NR6A1: variants seen among roughly 807,000 people sequenced by gnomAD.
The protein encoded by NR6A1 is retinoic acid receptor-related testis-associated receptor.
A neutral mutation model predicts 59.1 loss-of-function variants in NR6A1; 7 were observed. That is an observed-to-expected ratio of 0.12 (90% CI 0.07 to 0.22). The LOEUF is 0.22. NR6A1 is among the 10% of genes least tolerant of loss of function. The probability of loss-of-function intolerance (pLI) is 1.00; values close to 1 mark genes in which losing one functional copy is unlikely to be tolerated. For missense variants in NR6A1, 468 were observed against 611.6 expected, an observed-to-expected ratio of 0.77 and a Z score of 2.48; for synonymous variants, 243 against 236.1, an observed-to-expected ratio of 1.03 and a Z score of -0.27.
intron 1 of NR6A1, among the ~76,000 whole-genome samples, chr9:124,763,113 A>C (rs1278734930): frequency 6.6e-6 from 1 of 152,238 alleles, no homozygotes; most frequent in African/African-American, 2.4e-5. Flanking sequence ...GTCTTAAAAC[A>C]ACCATTTTAG....
chr9:124,614,806 C>T (rs1835843968), intron 2 of NR6A1, among the ~76,000 whole-genome samples: 1 of 152,222 alleles, frequency 6.6e-6, no homozygotes, highest in South Asian at 2.1e-4. Flanking sequence ...TTTCAAGTCT[C>T]TGCAACTCTG....
intron 2 of NR6A1, among the ~76,000 whole-genome samples, chr9:124,728,107 AG>A (rs1266503759): frequency 1.3e-5 from 2 of 151,532 alleles, no homozygotes; most frequent in Non-Finnish European, 2.9e-5. Context: ...GCTCACTGCA[AG>A]CTCTGCCTCC....
chr9:124,538,536 C>A lies in NR6A1; in HGVS notation c.597-217G>T, dbSNP rs143349784. The stretch of plus-strand genomic sequence containing the variant: ...GGGTATATGAATGTTGGGGTCGCCA[C>A]TGGACACTCAGTGCATGGCAGAGTA... On this transcript the variant is annotated intron_variant, in intron 5 of 9. Coordinates refer to ENST00000487099, the MANE Select transcript of NR6A1 (RefSeq NM_033334.4). 1.7e-3 allele frequency among the ~76,000 whole-genome samples: 259 copies of A among 152,262 alleles called. 2 individuals are homozygous for A. The highest frequency in any genetic ancestry group is 0.011 in the Admixed American group (172 of 15,284).
At chr9:124,654,842 T>C (rs1296665650) in intron 2 of NR6A1, among the ~76,000 whole-genome samples, 1 of 150,774 alleles carries the variant, frequency 6.6e-6, no homozygotes, top group African/African-American at 2.5e-5. Flanking sequence ...ACCTAGATAC[T>C]GGTTGCTTTT....
intron 2 of NR6A1, among the ~76,000 whole-genome samples, chr9:124,594,084 C>CT (rs1243922275): frequency 1.3e-5 from 2 of 152,102 alleles, no homozygotes; most frequent in Admixed American, 6.6e-5. Flanking sequence ...CCAGGCAATG[C>CT]TTTTTTTACA....
intron 2 of NR6A1, among the ~76,000 whole-genome samples, chr9:124,593,025 A>G (rs1452418064): frequency 6.6e-6 from 1 of 152,234 alleles, no homozygotes; most frequent in Non-Finnish European, 1.5e-5. Flanking sequence ...GGCTGGAGTA[A>G]AAGAATAACA....
intron 2 of NR6A1, among the ~76,000 whole-genome samples, chr9:124,625,741 G>T (rs1433100585): frequency 6.6e-6 from 1 of 152,100 alleles, no homozygotes; most frequent in Non-Finnish European, 1.5e-5. Context: ...TTTTGGATGA[G>T]ATTAACATTT....
At chr9:124,525,284 AACACACACAC>A (rs71492413) in intron 8 of NR6A1, among the ~76,000 whole-genome samples, 88 of 137,394 alleles carry the variant, frequency 6.4e-4, no homozygotes, top group Admixed American at 2.8e-3. Context: ...ATGCTTGTAA[AACACACACAC>A]ACACACACAC....
intron 1 of NR6A1, among the ~76,000 whole-genome samples, chr9:124,754,448 C>A (rs1840585397): frequency 6.6e-6 from 1 of 152,132 alleles, no homozygotes; most frequent in Non-Finnish European, 1.5e-5. Context: ...CGTTGGAATA[C>A]CAGCATTTTT....
intron 4 of NR6A1, among the ~76,000 whole-genome samples, chr9:124,543,181 C>T (rs185542836): frequency 2.6e-5 from 4 of 152,304 alleles, no homozygotes; most frequent in Admixed American, 2.6e-4. Flanking sequence ...GGTCTCTTCA[C>T]AGTCTATTTT....
At chr9:124,614,517 A>G (rs945684665) in intron 2 of NR6A1, among the ~76,000 whole-genome samples, 2 of 152,184 alleles carry the variant, frequency 1.3e-5, no homozygotes, top group African/African-American at 4.8e-5. Flanking sequence ...CAATCTATAA[A>G]TGATAGAATC....
intron 2 of NR6A1, among the ~76,000 whole-genome samples, chr9:124,579,815 A>C (rs1834709360): frequency 6.6e-6 from 1 of 152,080 alleles, no homozygotes; most frequent in Non-Finnish European, 1.5e-5. Flanking sequence ...GTTGGAGACC[A>C]GCCTGACCAA....
intron 2 of NR6A1, among the ~76,000 whole-genome samples, chr9:124,642,499 G>A (rs974550693): frequency 3.3e-5 from 5 of 151,664 alleles, no homozygotes; most frequent in African/African-American, 7.3e-5. Context: ...TTTTTTAATG[G>A]GCAACTGTTT....
At chr9:124,522,863 G>A in intron 9 of NR6A1, 70 bp from the exon 10 acceptor site, 1 of 1,206,616 alleles carries the variant, frequency 8.3e-7, no homozygotes, top group Non-Finnish European at 1.2e-6. Context: ...AGCCTCCTTG[G>A]GCTGGTGGAG....
chr9:124,665,201 T>C (rs1177127121), intron 2 of NR6A1, among the ~76,000 whole-genome samples: 2 of 149,364 alleles, frequency 1.3e-5, no homozygotes, highest in African/African-American at 4.9e-5. Flanking sequence ...AAAAAAAGAA[T>C]AAAATAAATA....
intron 1 of NR6A1, among the ~76,000 whole-genome samples, chr9:124,757,363 G>T (rs1259941824): frequency 1.3e-5 from 2 of 150,382 alleles, no homozygotes; most frequent in African/African-American, 4.9e-5. Context: ...CAAATAACTT[G>T]ATGTTCAATG....
intron 3 of NR6A1, among the ~76,000 whole-genome samples, chr9:124,544,823 A>C (rs1274810338): frequency 2.0e-5 from 3 of 152,222 alleles, no homozygotes; most frequent in Non-Finnish European, 2.9e-5. Context: ...ACTTTAGCTA[A>C]GGAGCTTGAG....
intron 2 of NR6A1, among the ~76,000 whole-genome samples, chr9:124,730,218 C>T (rs957700302): frequency 6.6e-6 from 1 of 152,154 alleles, no homozygotes; most frequent in African/African-American, 2.4e-5. Context: ...TACCCACATA[C>T]GCTAAGTACA....
At chr9:124,577,483 ATTAC>A (rs1255021129) in intron 2 of NR6A1, among the ~76,000 whole-genome samples, 2 of 152,162 alleles carry the variant, frequency 1.3e-5, no homozygotes, top group Non-Finnish European at 2.9e-5. Context: ...GACTTCTCTA[ATTAC>A]TTAGTTCTGG....
Sources: allele counts gnomAD v4.1 joint callset (sites outside exome capture counted in the v4.1 genomes callset), GRCh38; gene constraint gnomAD v4.1.1; transcripts MANE v1.5; gene names NCBI Gene and HGNC (gene_info 2026-07-23, HGNC 2026-07-21).